The following WNT6 variants were observed in gnomAD, a reference collection of about 807,000 sequenced individuals.
WNT6 encodes Wnt family member 6, also known as protein Wnt-6.
A neutral mutation model predicts 33.1 loss-of-function variants in WNT6; 27 were observed. The observed-to-expected ratio is 0.82, with a 90% CI of 0.60 to 1.12. WNT6 has a LOEUF of 1.12. WNT6 is among the 50% of genes most tolerant of loss of function. The probability of loss-of-function intolerance (pLI) is 0.00; values close to 1 mark genes in which losing one functional copy is unlikely to be tolerated. For synonymous variants in WNT6, 249 were observed against 242.8 expected, an observed-to-expected ratio of 1.03 and a Z score of -0.24; for missense variants, 494 against 535.3, an observed-to-expected ratio of 0.92 and a Z score of 0.76.
At chr2:218,868,789 TG>T (rs1944374366) in intron 1 of WNT6, among the ~76,000 whole-genome samples, 1 of 152,188 alleles carries the variant, frequency 6.6e-6, no homozygotes, top group South Asian at 2.1e-4. Context: ...TGCAATTTTT[TG>T]TAATGAAAAT....
intron 1 of WNT6, 38 bp downstream of exon 1, chr2:218,860,155 A>T (rs1473105312): frequency 6.7e-7 from 1 of 1,492,666 alleles, no homozygotes; most frequent in Non-Finnish European, 8.9e-7. Flanking sequence ...TGGACCCTGG[A>T]GGGTGGGGAC....
chr2:218,871,653 C>T lies in WNT6; in HGVS notation c.470C>T (p.Pro157Leu), dbSNP rs769509450. The change falls in exon 3 of 4, where the codon CCC becomes CTC. Residue 157 changes from proline to leucine, a missense_variant. By Grantham distance (98) the Pro-to-Leu change is moderately conservative (BLOSUM62 -3). Coordinates refer to ENST00000233948, the MANE Select transcript of WNT6 (RefSeq NM_006522.4). This position sits in a 1 kb window ranked among gnomAD's most constrained non-coding sequence, Gnocchi z 6.4. The stretch of plus-strand genomic sequence containing the variant: ...CCCGGCACCCCCGGACCCCCTGGCC[C>T]CGCGGGCTCCCCGGAAGGCAGCGCC... ...GLPGTPGPPG[P>L]AGSPEGSAAW... The T allele has an allele frequency of 1.3e-6, 2 of 1,510,514 alleles. No homozygotes were observed. The highest frequency in any genetic ancestry group is 2.9e-5 in the African/African-American group (2 of 69,496). 93.6% of individuals were successfully genotyped at this position (1,510,514 alleles called of 1,614,324 possible).
Position 218,874,075 on chromosome 2 carries a change from A to ACACT in WNT6, c.*231_*234dup. 1 of 534,444 alleles carries ACACT rather than the reference A, an allele frequency of 1.9e-6. No individual in the cohort carries two copies. 33.1% of individuals were successfully genotyped at this position (534,444 alleles called of 1,614,324 possible). On this transcript the variant is annotated 3_prime_UTR_variant, in exon 4 of 4. Transcript: ENST00000233948. ...AAGGCGCTCGGGGAGCGTTTAAAGG[A>ACACT]CACTGTACAGGCCCTCCCTCCCCTT...
In WNT6 at chr2:218,867,927, CAG is replaced by C. The variant is rs1452399574; in HGVS notation, c.81-3097_81-3096del. On this transcript the variant is annotated intron_variant, in intron 1 of 3. Coordinates refer to ENST00000233948, the MANE Select transcript of WNT6 (RefSeq NM_006522.4). The surrounding 1 kb of genome is among the most constrained non-coding windows in gnomAD (Gnocchi z 4.9). The stretch of plus-strand genomic sequence containing the variant: ...AGCCCACAAAGGGGAATGACTTGAT[CAG>C]AGTGGCTCAGCCCACACAGAGTTGA... 5.3e-5 allele frequency among the ~76,000 whole-genome samples: 8 copies of C among 152,240 alleles called. No homozygotes were observed. The highest frequency in any genetic ancestry group is 7.3e-5 in the Non-Finnish European group (5 of 68,042).
rs1944290793 is a variant in WNT6, at chr2:218,859,964, C to A, written c.-74C>A. On this transcript the variant is annotated 5_prime_UTR_variant, in exon 1 of 4. Coordinates refer to ENST00000233948, the MANE Select transcript of WNT6 (RefSeq NM_006522.4). ...GCGCTCGCCGCGCTCGCACTGAAGC[C>A]CGGGCCCTCGCGCGCCGCGGTTCGC... 2 of 1,221,688 alleles carry A rather than the reference C, an allele frequency of 1.6e-6. No individual in the cohort carries two copies. The highest frequency in any genetic ancestry group is 2.1e-6 in the Non-Finnish European group (2 of 970,590). The allele number at this position is 1,221,688 out of a possible 1,614,324, so 75.7% of individuals were successfully genotyped here.
At position 218,873,669 on chromosome 2, in the gene WNT6, C is replaced by A. The variant is rs1421733507; in HGVS notation, c.922C>A (p.Arg308Ser). 2 of 1,582,324 alleles carry A rather than the reference C, an allele frequency of 1.3e-6. No individual in the cohort carries two copies. The highest frequency in any genetic ancestry group is 8.5e-7 in the Non-Finnish European group (1 of 1,171,644). ...RRTGSPGTRG[R>S]ACNSSAPDLS... The stretch of plus-strand genomic sequence containing the variant: ...CACCGGCTCCCCCGGCACGCGCGGT[C>A]GCGCCTGCAATAGCAGCGCCCCGGA... The change falls in exon 4 of 4, where the codon CGC (arginine) becomes AGC (serine). Residue 308 changes from arginine to serine, a missense_variant. Coordinates refer to ENST00000233948, the MANE Select transcript of WNT6 (RefSeq NM_006522.4). The surrounding 1 kb of genome is among the most constrained non-coding windows in gnomAD (Gnocchi z 6.1).
In WNT6 at chr2:218,874,177, C is replaced by G. The variant is rs1944433653; in HGVS notation, c.*332C>G. 9.2e-6 allele frequency: 3 copies of G among 326,924 alleles called. No individual in the cohort carries two copies. In the East Asian group the frequency reaches 1.5e-4, roughly 17 times the overall value. 20.3% of individuals were successfully genotyped at this position (326,924 alleles called of 1,614,324 possible). A position where few individuals can be genotyped will look rare whatever the true frequency, so the allele number is the denominator to read the frequency against. On this transcript the variant is annotated 3_prime_UTR_variant, in exon 4 of 4. Coordinates refer to ENST00000233948, the MANE Select transcript of WNT6 (RefSeq NM_006522.4). Reference sequence around the variant, plus strand: ...CCTCTGGATACTGGGCTCCCCAGAACTGCTGGCCACAGGATGGTGGGTGAG... The same window carrying G: ...CCTCTGGATACTGGGCTCCCCAGAAGTGCTGGCCACAGGATGGTGGGTGAG...
In WNT6 at chr2:218,872,025, G is replaced by A. The variant is rs139676080; in HGVS notation, c.636+206G>A. On this transcript the variant is annotated intron_variant, in intron 3 of 3. Transcript: ENST00000233948. ...TGTCCAGCCTCCAAGAAGGAGTCACGTGGGGGTCTGAGAAGGCCAGATGCT... is the reference window on the plus strand; with the variant it reads ...TGTCCAGCCTCCAAGAAGGAGTCACATGGGGGTCTGAGAAGGCCAGATGCT... Among the ~76,000 whole-genome samples the A allele has an allele frequency of 4.6e-5, 7 of 152,082 alleles. No homozygotes were observed. In the East Asian group the frequency reaches 1.2e-3, roughly 25 times the overall value.
Position 218,871,091 on chromosome 2 carries a change from G to A in WNT6, c.145G>A (p.Gly49Arg). The A allele has an allele frequency of 2.5e-6, 4 of 1,613,414 alleles. No homozygotes were observed. The highest frequency in any genetic ancestry group is 1.1e-5 in the South Asian group (1 of 91,018). The change falls in exon 2 of 4, where the codon GGG becomes AGG. Residue 49 changes from glycine to arginine, a missense_variant. By Grantham distance (125) the Gly-to-Arg change is moderately radical (BLOSUM62 -2). Coordinates refer to ENST00000233948, the MANE Select transcript of WNT6 (RefSeq NM_006522.4). This position sits in a 1 kb window ranked among gnomAD's most constrained non-coding sequence, Gnocchi z 6.4. ...CTGCAGGAAGGCACGGCGGCTGGCC[G>A]GGCGGCAGGCCGAGTTGTGCCAGGC... ...SICRKARRLA[G>R]RQAELCQAEP...
At chr2:218,860,932 C>A (rs933768552) in intron 1 of WNT6, among the ~76,000 whole-genome samples, 5 of 151,748 alleles carry the variant, frequency 3.3e-5, no homozygotes, top group African/African-American at 9.7e-5. Flanking sequence ...CCGACCGGGA[C>A]GGCTCAGAGA....
intron 1 of WNT6, among the ~76,000 whole-genome samples, chr2:218,868,259 G>A (rs1944369782): frequency 6.6e-6 from 1 of 152,090 alleles, no homozygotes; most frequent in South Asian, 2.1e-4. Flanking sequence ...CATACTCCTC[G>A]TGATTCTCCC....
rs1260428410 is a variant in WNT6 at position 218,860,023 on chromosome 2, C to A, written c.-15C>A. 6.1e-6 allele frequency: 9 copies of A among 1,477,948 alleles called. No individual in the cohort carries two copies. In the South Asian group the frequency reaches 1.0e-4, roughly 17 times the overall value. 91.6% of individuals were successfully genotyped at this position (1,477,948 alleles called of 1,614,324 possible). The stretch of plus-strand genomic sequence containing the variant: ...CTCGCCCCCTGCCCACCCGGGCGGC[C>A]GTAGGGCGGTCACGATGCTGCCGCC... On this transcript the variant is annotated 5_prime_UTR_variant, in exon 1 of 4. Transcript: ENST00000233948.
chr2:218,870,223 T>C (rs1353075589), intron 1 of WNT6, among the ~76,000 whole-genome samples: 1 of 112,698 alleles, frequency 8.9e-6, no homozygotes, highest in Admixed American at 8.1e-5. Flanking sequence ...TCCATCTCAA[T>C]TAAAAAAAAA....
At chr2:218,868,100 C>A (rs1422858162) in intron 1 of WNT6, among the ~76,000 whole-genome samples, 1 of 152,114 alleles carries the variant, frequency 6.6e-6, no homozygotes, top group Admixed American at 6.5e-5. Flanking sequence ...ATTCTAGCTG[C>A]TACTACTGCC....
In WNT6 at chr2:218,864,558, C is replaced by T. The variant is rs186107719; in HGVS notation, c.80+4441C>T. 6.6e-5 allele frequency among the ~76,000 whole-genome samples: 10 copies of T among 152,320 alleles called. No individual in the cohort carries two copies. The East Asian group carries it at 1.2e-3, about 18-fold the overall frequency. On this transcript the variant is annotated intron_variant, in intron 1 of 3. Coordinates refer to ENST00000233948, the MANE Select transcript of WNT6 (RefSeq NM_006522.4). The stretch of plus-strand genomic sequence containing the variant: ...CTGGGATAACAGGCGTGAGCCACCG[C>T]GCCCAGCCCTGTTTTATATTTTCTA...
At position 218,871,805 on chromosome 2, in the gene WNT6, G is replaced by A. The variant is rs1944404885; in HGVS notation, c.622G>A (p.Glu208Lys). 1.9e-6 allele frequency: 3 copies of A among 1,590,820 alleles called. No individual in the cohort carries two copies. Among genetic ancestry groups the A allele is most frequent in the Non-Finnish European group, 2.6e-6 (3 of 1,170,208 alleles). Residue 208 changes from glutamate to lysine, a missense_variant, in exon 3 of 4, where the codon GAG (glutamate) becomes AAG (lysine). Physicochemically the swap from Glu to Lys is moderately conservative, Grantham distance 56. Coordinates refer to ENST00000233948, the MANE Select transcript of WNT6 (RefSeq NM_006522.4). This position sits in a 1 kb window ranked among gnomAD's most constrained non-coding sequence, Gnocchi z 6.4. ...CGCGTTGGTGCAACTGCACAACAAC[G>A]AGGCGGGCAGGCTGGTGCGTACGGG... ...IRALVQLHNN[E>K]AGRLAVRSHT...
intron 1 of WNT6, among the ~76,000 whole-genome samples, chr2:218,865,720 C>T (rs972939528): frequency 1.3e-5 from 2 of 152,074 alleles, no homozygotes; most frequent in African/African-American, 2.4e-5. Flanking sequence ...ATAGGTGCTC[C>T]CCACCCCAAT....
chr2:218,868,253 C>T (rs934915752), intron 1 of WNT6, among the ~76,000 whole-genome samples: 2 of 152,164 alleles, frequency 1.3e-5, no homozygotes, highest in East Asian at 3.9e-4. Flanking sequence ...GGCCTCCATA[C>T]TCCTCGTGAT....
In WNT6 at chr2:218,871,856, A is replaced by G. The variant is rs1335550563; in HGVS notation, c.636+37A>G. Reference sequence around the variant, plus strand: ...CAGGATGGAGTGAGTGTGTGCGGAAATGTGAGTGTGCGCGCAGGAGTGTGC... The same window carrying G: ...CAGGATGGAGTGAGTGTGTGCGGAAGTGTGAGTGTGCGCGCAGGAGTGTGC... On this transcript the variant is annotated intron_variant, in intron 3 of 3. Coordinates refer to ENST00000233948, the MANE Select transcript of WNT6 (RefSeq NM_006522.4). The surrounding 1 kb of genome is among the most constrained non-coding windows in gnomAD (Gnocchi z 6.4). 1 of 1,509,596 alleles carries G rather than the reference A, an allele frequency of 6.6e-7. No homozygotes were observed. The highest frequency in any genetic ancestry group is 8.9e-7 in the Non-Finnish European group (1 of 1,124,492). 93.5% of individuals were successfully genotyped at this position (1,509,596 alleles called of 1,614,324 possible).
Sources: allele counts gnomAD v4.1 joint callset (sites outside exome capture counted in the v4.1 genomes callset), GRCh38; gene constraint gnomAD v4.1.1; non-coding constraint Gnocchi (gnomAD v3.1); transcripts MANE v1.5; gene names NCBI Gene and HGNC (gene_info 2026-07-23, HGNC 2026-07-21).